The following AKIRIN2 variants were observed in gnomAD, a reference collection of about 807,000 sequenced individuals.
AKIRIN2 encodes akirin-2.
Under a neutral mutation model 29.3 loss-of-function variants are expected in AKIRIN2, and 6 were observed. The ratio of observed to expected loss-of-function variants is 0.20; its 90% confidence interval spans 0.11 to 0.40. The LOEUF (loss-of-function observed/expected upper bound fraction) is 0.40. AKIRIN2 is among the 10% of genes least tolerant of loss of function. AKIRIN2 has a pLI of 1.00. For synonymous variants in AKIRIN2, 128 were observed against 117.5 expected, an observed-to-expected ratio of 1.09 and a Z score of -0.58; for missense variants, 210 against 276.1, an observed-to-expected ratio of 0.76 and a Z score of 1.70.
intron 2 of AKIRIN2, among the ~76,000 whole-genome samples, chr6:87,679,488 A>G (rs1036307475): frequency 7.9e-5 from 12 of 152,172 alleles, no homozygotes; most frequent in African/African-American, 2.7e-4. Flanking sequence ...ACGGAGTGAG[A>G]CCCTGTCTCA....
intron 1 of AKIRIN2, among the ~76,000 whole-genome samples, chr6:87,695,166 T>C (rs1582125284): frequency 6.6e-6 from 1 of 152,214 alleles, no homozygotes; most frequent in Non-Finnish European, 1.5e-5. Context: ...ACTTAAAATA[T>C]TGTAATTCAT....
intron 2 of AKIRIN2, among the ~76,000 whole-genome samples, chr6:87,678,346 A>T (rs1315696073): frequency 8.4e-5 from 2 of 23,856 alleles, no homozygotes; most frequent in Non-Finnish European, 1.3e-4. Context: ...AAAAATACAT[A>T]AAAAAATTAG....
intron 1 of AKIRIN2, among the ~76,000 whole-genome samples, chr6:87,688,802 C>G (rs1046060868): frequency 6.6e-6 from 1 of 152,000 alleles, no homozygotes; most frequent in Non-Finnish European, 1.5e-5. Context: ...ATTGAACTGC[C>G]CCAAATCCAA....
At chr6:87,687,807 T>G (rs1771212226) in intron 1 of AKIRIN2, among the ~76,000 whole-genome samples, 1 of 152,222 alleles carries the variant, frequency 6.6e-6, no homozygotes, top group Non-Finnish European at 1.5e-5. Context: ...TAACTACTTT[T>G]AAGTATTTTC....
rs527240575 is a variant in AKIRIN2 at position 87,697,152 on chromosome 6, T to C, written c.235+4298A>G. On this transcript the variant is annotated intron_variant, in intron 1 of 4. Coordinates refer to ENST00000257787, the MANE Select transcript of AKIRIN2 (RefSeq NM_018064.4). ...GGTGAAACCCCATCTCTACTAAAAA[T>C]ACAAAACAAAATCAGCCAGGTGTGG... is the stretch of plus-strand genomic sequence containing the variant. 3.7e-4 allele frequency among the ~76,000 whole-genome samples: 54 copies of C among 145,982 alleles called. 1 individual carries two copies. Among genetic ancestry groups the C allele is most frequent in the African/African-American group, 1.3e-3 (50 of 39,058 alleles).
At chr6:87,695,587 T>C (rs552191856) in intron 1 of AKIRIN2, among the ~76,000 whole-genome samples, 99 of 152,338 alleles carry the variant, frequency 6.5e-4, no homozygotes, top group Non-Finnish European at 1.0e-3. Context: ...GTGCTAGGCA[T>C]AGGGTTAACA....
chr6:87,692,747 T>C (rs746744690), intron 1 of AKIRIN2, among the ~76,000 whole-genome samples: 44 of 152,060 alleles, frequency 2.9e-4, no homozygotes, highest in Non-Finnish European at 7.4e-5. Flanking sequence ...AGGAGGCAGA[T>C]TGCAGTGAGC....
Position 87,701,733 on chromosome 6 carries a change from G to A in AKIRIN2, c.-49C>T, listed in dbSNP as rs1771470293. On this transcript the variant is annotated 5_prime_UTR_variant, in exon 1 of 5. Transcript: ENST00000257787. ...GGCTCGGGTGGGGTCGGGGACGGGTGACGAAAGAAGAGGGTGAGGGAAGGG... is the reference window on the plus strand; with the variant it reads ...GGCTCGGGTGGGGTCGGGGACGGGTAACGAAAGAAGAGGGTGAGGGAAGGG... The A allele has an allele frequency of 7.7e-7, 1 of 1,304,102 alleles. No individual in the cohort carries two copies. Among genetic ancestry groups the A allele is most frequent in the South Asian group, 1.7e-5 (1 of 59,448 alleles). The allele number at this position is 1,304,102 out of a possible 1,614,324, so 80.8% of individuals were successfully genotyped here. A position where few individuals can be genotyped will look rare whatever the true frequency, so the allele number is the denominator to read the frequency against.
At chr6:87,697,925 T>G (rs1771397685) in intron 1 of AKIRIN2, among the ~76,000 whole-genome samples, 1 of 152,232 alleles carries the variant, frequency 6.6e-6, no homozygotes, top group Non-Finnish European at 1.5e-5. Context: ...CTTCAGACCA[T>G]TCATTCACTA....
intron 1 of AKIRIN2, among the ~76,000 whole-genome samples, chr6:87,696,328 A>G (rs1452310912): frequency 2.0e-5 from 3 of 152,172 alleles, no homozygotes; most frequent in Non-Finnish European, 2.9e-5. Context: ...CCACACCTAA[A>G]GAGGGGCTAA....
intron 2 of AKIRIN2, 111 bp downstream of exon 2, chr6:87,681,509 T>G: frequency 2.7e-6 from 3 of 1,096,828 alleles, no homozygotes; most frequent in Non-Finnish European, 2.5e-6. Context: ...TGTATAAATG[T>G]TTTTTTAAAA....
chr6:87,679,302 G>T (rs1372667659), intron 2 of AKIRIN2, among the ~76,000 whole-genome samples: 2 of 152,126 alleles, frequency 1.3e-5, no homozygotes, highest in African/African-American at 4.8e-5. Flanking sequence ...GGAGGCCGAA[G>T]CAGGTGGAAC....
intron 2 of AKIRIN2, 48 bp from the exon 3 acceptor site, chr6:87,678,015 A>G (rs1443517781): frequency 9.9e-6 from 15 of 1,517,676 alleles, no homozygotes; most frequent in Non-Finnish European, 1.3e-5. Flanking sequence ...GAGCCATGAT[A>G]TAAAGCAGTT....
intron 3 of AKIRIN2, among the ~76,000 whole-genome samples, chr6:87,676,620 C>T (rs1397619759): frequency 3.4e-5 from 5 of 146,964 alleles, no homozygotes; most frequent in African/African-American, 5.0e-5. Flanking sequence ...CACACACACA[C>T]ACACACAAAC....
chr6:87,697,231 T>C (rs1374082483), intron 1 of AKIRIN2, among the ~76,000 whole-genome samples: 2 of 151,286 alleles, frequency 1.3e-5, no homozygotes, highest in Non-Finnish European at 2.9e-5. Context: ...GAGAATCGCT[T>C]GAACCCAGGA....
chr6:87,683,872 GA>G (rs1771151383), intron 1 of AKIRIN2, among the ~76,000 whole-genome samples: 1 of 152,030 alleles, frequency 6.6e-6, no homozygotes, highest in African/African-American at 2.4e-5. Flanking sequence ...GGCCGGTCTC[GA>G]ACTCTTGACC....
rs181245120 is a variant in AKIRIN2 at position 87,678,231 on chromosome 6, T to C, written c.380-264A>G. On this transcript the variant is annotated intron_variant, in intron 2 of 4. Transcript: ENST00000257787. ...AAAAAACTTTAAGACATAAGAAAGG[T>C]TGGGCGTGGTGCTCACCGCCTGTAA... is the stretch of plus-strand genomic sequence containing the variant. Among the ~76,000 whole-genome samples the C allele has an allele frequency of 7.4e-3, 1,125 of 152,094 alleles. 17 individuals are homozygous for C. The highest frequency in any genetic ancestry group is 0.026 in the African/African-American group (1,080 of 41,490).
At chr6:87,680,571 G>A (rs774815419) in intron 2 of AKIRIN2, among the ~76,000 whole-genome samples, 2 of 151,416 alleles carry the variant, frequency 1.3e-5, no homozygotes, top group Non-Finnish European at 1.5e-5. Context: ...GCGCCCAGCC[G>A]CAAATTTTTT....
intron 3 of AKIRIN2, among the ~76,000 whole-genome samples, chr6:87,677,617 A>G (rs1163205355): frequency 1.3e-5 from 2 of 152,322 alleles, no homozygotes; most frequent in Admixed American, 6.5e-5. Flanking sequence ...GCTGATCTAC[A>G]CGGCTAGCCA....
Sources: gnomAD v4.1 joint callset for allele counts (sites outside exome capture counted in the v4.1 genomes callset) on GRCh38, gnomAD v4.1.1 for gene constraint, MANE v1.5 for transcripts, NCBI Gene and HGNC (gene_info 2026-07-23, HGNC 2026-07-21) for gene names.